The following PES1 variants were observed in gnomAD, a reference collection of about 807,000 sequenced individuals.
PES1 encodes pescadillo homolog.
Under a neutral mutation model 77.1 loss-of-function variants are expected in PES1, and 31 were observed. The ratio of observed to expected loss-of-function variants is 0.40; its 90% CI spans 0.30 to 0.54. The LOEUF is 0.54. Among genes scored for constraint, PES1 ranks in the 20% least tolerant of loss-of-function variants. The pLI, the probability that PES1 is intolerant of heterozygous loss-of-function variation, is 0.45. For missense variants in PES1, 658 were observed against 771.7 expected, an observed-to-expected ratio of 0.85 and a Z score of 1.75; for synonymous variants, 282 against 303.0, an observed-to-expected ratio of 0.93 and a Z score of 0.72.
rs758819706 is a variant in PES1, at chr22:30,581,038, C to T, written c.886G>A (p.Glu296Lys). Residue 296 changes from glutamate to lysine, a missense_variant, in exon 9 of 15, where the codon GAG becomes AAG. Coordinates refer to ENST00000354694, the MANE Select transcript of PES1 (RefSeq NM_014303.4). ...CCATCGGTGGGAAACTCATCCACCTCGGCCTCCTCCTCTGTGGCAGGCACC... is the reference window on the plus strand; with the variant it reads ...CCATCGGTGGGAAACTCATCCACCTTGGCCTCCTCCTCTGTGGCAGGCACC... ...VVVPATEEEA[E>K]VDEFPTDGEM... 7 of 1,612,568 alleles carry T rather than the reference C, an allele frequency of 4.3e-6. No homozygotes were observed. The highest frequency in any genetic ancestry group is 5.9e-6 in the Non-Finnish European group (7 of 1,179,652).
intron 2 of PES1, among the ~76,000 whole-genome samples, chr22:30,599,476 TTATCA>T (rs2087320934): frequency 3.3e-5 from 5 of 152,202 alleles, no homozygotes; most frequent in African/African-American, 1.2e-4. Context: ...ATCTTCCGAG[TTATCA>T]ACAAAATAAG....
chr22:30,588,036 C>T lies in PES1; in HGVS notation c.243G>A (p.Lys81=). ...RFLLHEPIVN[K]FREYKVFVRK... Reference sequence around the variant, plus strand: ...CAGACCTCACCTTGTATTCACGGAACTTGTTGACAATGGGTTCGTGGAGGA... The same window carrying T: ...CAGACCTCACCTTGTATTCACGGAATTTGTTGACAATGGGTTCGTGGAGGA... The change falls in exon 3 of 15, where the codon AAG becomes AAA. Residue 81 remains lysine, a synonymous_variant. Coordinates refer to ENST00000354694, the MANE Select transcript of PES1 (RefSeq NM_014303.4). The T allele has an allele frequency of 6.2e-7, 1 of 1,613,938 alleles. No homozygotes were observed. The highest frequency in any genetic ancestry group is 8.5e-7 in the Non-Finnish European group (1 of 1,180,038).
upstream of PES1, chr22:30,592,187 G>A (rs1287127634): frequency 5.6e-6 from 6 of 1,080,894 alleles, no homozygotes; most frequent in Non-Finnish European, 5.6e-6. Context: ...GGAGAGGGGC[G>A]GAAGGCTTAG....
chr22:30,604,241 T>C (rs2087401728), intron 2 of PES1: 1 of 152,216 alleles, frequency 6.6e-6, no homozygotes, highest in African/African-American at 2.4e-5. Context: ...AAACAGCAAA[T>C]TTCTGATTGC....
At chr22:30,581,461 T>TCTGTGTGGACAGAGAAGGG in intron 7 of PES1, 53 bp from the exon 8 acceptor site, 2 of 1,606,162 alleles carry the variant, frequency 1.2e-6, no homozygotes, top group South Asian at 2.2e-5. Context: ...GCCCCTCGCC[T>TCTGTGTGGACAGAGAAGGG]CTGTGTGGAC....
intron 6 of PES1, among the ~76,000 whole-genome samples, chr22:30,583,856 G>A (rs554994902): frequency 2.0e-5 from 3 of 152,276 alleles, no homozygotes; most frequent in Non-Finnish European, 2.9e-5. Flanking sequence ...CAGTCCCCGA[G>A]TCCTGTGGGG....
chr22:30,588,675 CG>C (rs1362708869), intron 2 of PES1, among the ~76,000 whole-genome samples: 1 of 151,750 alleles, frequency 6.6e-6, no homozygotes, highest in African/African-American at 2.4e-5. Flanking sequence ...CCTAGCTACT[CG>C]GGAGGCTGAG....
intron 2 of PES1, among the ~76,000 whole-genome samples, chr22:30,598,881 TA>T (rs796609688): frequency 1.5e-5 from 2 of 134,968 alleles, no homozygotes; most frequent in African/African-American, 5.6e-5. Flanking sequence ...GTGACTTAAG[TA>T]AAATTTTTTT....
In PES1 at chr22:30,589,193, A is replaced by C; in HGVS notation, c.102T>G (p.Phe34Leu). The C allele has an allele frequency of 6.2e-7, 1 of 1,613,278 alleles. No individual in the cohort carries two copies. Among genetic ancestry groups the C allele is most frequent in the Non-Finnish European group, 8.5e-7 (1 of 1,179,438 alleles). The change falls in exon 2 of 15, where the codon TTT becomes TTG. Residue 34 changes from phenylalanine (F) to leucine (L), a missense_variant and splice_region_variant. Transcript: ENST00000354694. ...TCCCACGGTCCCTCTATATTCACCT[A>C]AAGTCAGCCAAGCTCAGCTGGAGCT... ...RKKLQLSLAD[F>L]RRLCILKGIY...
chr22:30,589,402 C>T, intron 1 of PES1, 132 bp from the exon 2 acceptor site: 1 of 760,088 alleles, frequency 1.3e-6, no homozygotes, highest in Non-Finnish European at 2.2e-6. Context: ...AGAGGAAACA[C>T]TGCAGGGAAG....
At chr22:30,587,986 T>A (rs780557401) in intron 3 of PES1, 35 bp downstream of exon 3, 33 of 1,598,984 alleles carry the variant, frequency 2.1e-5, no homozygotes, top group Non-Finnish European at 2.7e-5. Flanking sequence ...AGAGCTGCGA[T>A]GAGAACCTGA....
At chr22:30,579,538 T>C (rs1483672737) in intron 12 of PES1, 1 of 702,602 alleles carries the variant, frequency 1.4e-6, no homozygotes. Context: ...CTGATGACAA[T>C]GCAGCATGTT....
upstream of PES1, among the ~76,000 whole-genome samples, chr22:30,596,903 G>A (rs867383253): frequency 3.9e-5 from 6 of 152,212 alleles, no homozygotes; most frequent in South Asian, 2.1e-4. Context: ...CGGCGCTTGC[G>A]GGCCAGCTAG....
At chr22:30,578,100 C>T (rs1402380015) in intron 14 of PES1, among the ~76,000 whole-genome samples, 1 of 152,134 alleles carries the variant, frequency 6.6e-6, no homozygotes, top group Non-Finnish European at 1.5e-5. Flanking sequence ...CTGGCCAAGA[C>T]AGTAAAACCC....
chr22:30,589,410 A>C, intron 1 of PES1, 140 bp from the exon 2 acceptor site: 1 of 700,938 alleles, frequency 1.4e-6, no homozygotes, highest in Non-Finnish European at 2.4e-6. Flanking sequence ...CACTGCAGGG[A>C]AGGAGCCGAC....
Position 30,588,186 on chromosome 22 carries a change from A to G in PES1, c.105-12T>C. 6.2e-7 allele frequency: 1 copy of G among 1,614,152 alleles called. No individual in the cohort carries two copies. The highest frequency in any genetic ancestry group is 8.5e-7 in the Non-Finnish European group (1 of 1,180,022). ...GAATGCACAGCCGCCTGGAAGACAG[A>G]GGCCATCTGTTATGTCAGTTATGTG... On this transcript the variant is annotated splice_polypyrimidine_tract_variant and intron_variant, in intron 2 of 14. Transcript: ENST00000354694.
intron 12 of PES1, 95 bp downstream of exon 12, chr22:30,579,653 CCTA>C: frequency 8.3e-7 from 1 of 1,200,578 alleles, no homozygotes; most frequent in Non-Finnish European, 1.2e-6. Context: ...GCTTTCTGCT[CCTA>C]CTGCCTGTTC....
chr22:30,581,039 G>A lies in PES1; in HGVS notation c.885C>T (p.Ala295=), dbSNP rs751574321. The A allele has an allele frequency of 1.9e-5, 31 of 1,612,462 alleles. No homozygotes were observed. The highest frequency in any genetic ancestry group is 1.6e-4 in the Middle Eastern group (1 of 6,068). Residue 295 remains alanine (A), a synonymous_variant, in exon 9 of 15, where the codon GCC becomes GCT. Coordinates refer to ENST00000354694, the MANE Select transcript of PES1 (RefSeq NM_014303.4). ...CATCGGTGGGAAACTCATCCACCTC[G>A]GCCTCCTCCTCTGTGGCAGGCACCA... The part of the protein sequence containing the change: ...RVVVPATEEE[A]EVDEFPTDGE...
chr22:30,584,504 A>AG, intron 5 of PES1, 42 bp downstream of exon 5: 1 of 1,608,798 alleles, frequency 6.2e-7, no homozygotes. Context: ...GTGGCAGGAG[A>AG]GGGGGCAGGG....
Sources: allele counts gnomAD v4.1 joint callset (sites outside exome capture counted in the v4.1 genomes callset), GRCh38; gene constraint gnomAD v4.1.1; transcripts MANE v1.5; gene names NCBI Gene and HGNC (gene_info 2026-07-23, HGNC 2026-07-21).